CIT: variants seen among roughly 807,000 people sequenced by gnomAD.
The protein encoded by CIT is citron rho-interacting serine/threonine kinase, also known as citron Rho-interacting kinase.
Under a neutral mutation model 272.7 loss-of-function variants are expected in CIT, and 79 were observed. That is an observed-to-expected ratio of 0.29 (90% confidence interval 0.24 to 0.35). CIT has a LOEUF of 0.35. CIT is among the 10% of genes least tolerant of loss of function. CIT has a pLI of 1.00. For missense variants in CIT, 1,909 were observed against 2,618.3 expected, an observed-to-expected ratio of 0.73 and a Z score of 5.91; for synonymous variants, 948 against 995.6, an observed-to-expected ratio of 0.95 and a Z score of 0.90.
intron 13 of CIT, among the ~76,000 whole-genome samples, chr12:119,780,638 G>C (rs1964203672): frequency 6.6e-6 from 1 of 152,048 alleles, no homozygotes. Context: ...GAGCGATATA[G>C]AAAGTTAGAT....
intron 9 of CIT, among the ~76,000 whole-genome samples, chr12:119,817,667 G>A (rs1300513404): frequency 6.6e-6 from 1 of 152,132 alleles, no homozygotes; most frequent in Non-Finnish European, 1.5e-5. Flanking sequence ...ATTCAATGAA[G>A]GTAGGGCCAT....
In CIT at chr12:119,804,609, G is replaced by T. The variant is rs1966487767; in HGVS notation, c.1112-1220C>A. The stretch of plus-strand genomic sequence containing the variant: ...ACTCCTCGTTTTCTGGACAAAGCTG[G>T]GTGCCAGATATGAGCAGCAAGCAGT... On this transcript the variant is annotated intron_variant, in intron 9 of 47. Coordinates refer to ENST00000392521, the MANE Select transcript of CIT (RefSeq NM_001206999.2). This position sits in a 1 kb window ranked among gnomAD's most constrained non-coding sequence, Gnocchi z 5.3. The T allele has an allele frequency of 2.0e-6, 1 of 489,902 alleles. No individual in the cohort carries two copies. The highest frequency in any genetic ancestry group is 8.7e-5 in the South Asian group (1 of 11,434). The allele number at this position is 489,902 out of a possible 1,614,324, so 30.3% of individuals were successfully genotyped here. A position where few individuals can be genotyped will look rare whatever the true frequency, so the allele number is the denominator to read the frequency against.
chr12:119,810,630 G>A (rs1473052685), intron 9 of CIT, among the ~76,000 whole-genome samples: 1 of 151,238 alleles, frequency 6.6e-6, no homozygotes, highest in Non-Finnish European at 1.5e-5. Context: ...TCAAACCCGG[G>A]AGACAGAGGT....
rs569819000 is a variant in CIT, at chr12:119,687,910, G to A, written c.*322C>T. On this transcript the variant is annotated 3_prime_UTR_variant, in exon 48 of 48. Coordinates refer to ENST00000392521, the MANE Select transcript of CIT (RefSeq NM_001206999.2). ...CTAACCATGTTGTAGTTAGCATCCCGGTTGGTTTCCTTTGATGAACTAACT... is the reference window on the plus strand; with the variant it reads ...CTAACCATGTTGTAGTTAGCATCCCAGTTGGTTTCCTTTGATGAACTAACT... 6.6e-5 allele frequency: 22 copies of A among 331,176 alleles called. No homozygotes were observed. Among genetic ancestry groups the A allele is most frequent in the East Asian group, 2.9e-4 (6 of 20,506 alleles). 20.5% of individuals were successfully genotyped at this position (331,176 alleles called of 1,614,324 possible). A position where few individuals can be genotyped will look rare whatever the true frequency, so the allele number is the denominator to read the frequency against.
Position 119,733,404 on chromosome 12 carries a change from C to T in CIT, c.3350+760G>A, listed in dbSNP as rs113789294. On this transcript the variant is annotated intron_variant, in intron 26 of 47. Transcript: ENST00000392521. ...AAAAAATTAGCCGGGCATAGTGGTG[C>T]ACACCTGTATTCCCAGCTACTTGGG... is the stretch of plus-strand genomic sequence containing the variant. 1.0e-2 allele frequency among the ~76,000 whole-genome samples: 1,504 copies of T among 150,846 alleles called. 19 individuals are homozygous for T. Among genetic ancestry groups the T allele is most frequent in the Non-Finnish European group, 0.013 (851 of 67,578 alleles).
intron 3 of CIT, among the ~76,000 whole-genome samples, chr12:119,860,222 T>C (rs1446432530): frequency 1.3e-5 from 2 of 152,070 alleles, no homozygotes; most frequent in African/African-American, 4.8e-5. Context: ...TTGAGAGTCT[T>C]CTCAGCCACA....
chr12:119,759,577 T>C (rs988670869), intron 20 of CIT, among the ~76,000 whole-genome samples: 1 of 150,800 alleles, frequency 6.6e-6, no homozygotes, highest in African/African-American at 2.4e-5. Flanking sequence ...ACTCGGGAGG[T>C]AGAGGTTGCA....
chr12:119,748,148 G>A (rs1354901124), intron 23 of CIT, among the ~76,000 whole-genome samples: 1 of 152,108 alleles, frequency 6.6e-6, no homozygotes, highest in Non-Finnish European at 1.5e-5. Context: ...CTGGGTGACA[G>A]AGTGAGACCC....
intron 10 of CIT, among the ~76,000 whole-genome samples, chr12:119,798,476 T>C (rs570029693): frequency 3.3e-5 from 5 of 152,284 alleles, no homozygotes; most frequent in South Asian, 2.1e-4. Context: ...GGGCTGGTTG[T>C]GCAATTTAAA....
chr12:119,813,341 G>C (rs1966876345), intron 9 of CIT, among the ~76,000 whole-genome samples: 1 of 152,186 alleles, frequency 6.6e-6, no homozygotes, highest in African/African-American at 2.4e-5. Context: ...TGAGACACCA[G>C]AAATCATTTC....
At chr12:119,760,908 G>T in intron 20 of CIT, 31 bp downstream of exon 20, 1 of 1,422,454 alleles carries the variant, frequency 7.0e-7, no homozygotes, top group Non-Finnish European at 9.9e-7. Flanking sequence ...ACCCTCCTTT[G>T]AACACTGGCT....
chr12:119,792,364 T>C (rs1965378274), intron 10 of CIT, among the ~76,000 whole-genome samples: 2 of 152,178 alleles, frequency 1.3e-5, no homozygotes, highest in African/African-American at 2.4e-5. Flanking sequence ...TAAAAATACA[T>C]GCAACTGCAA....
intron 22 of CIT, among the ~76,000 whole-genome samples, chr12:119,753,413 G>A (rs550931250): frequency 1.3e-5 from 2 of 152,240 alleles, no homozygotes; most frequent in Admixed American, 1.3e-4. Flanking sequence ...ATTTGATGTG[G>A]GGCAGAGAAC....
chr12:119,790,135 C>T (rs919101694), intron 10 of CIT, among the ~76,000 whole-genome samples: 5 of 151,918 alleles, frequency 3.3e-5, no homozygotes, highest in Non-Finnish European at 7.4e-5. Context: ...TTGAGAGGTT[C>T]GATCAAAGAC....
At chr12:119,717,555 G>A (rs1016852078) in intron 32 of CIT, among the ~76,000 whole-genome samples, 5 of 150,818 alleles carry the variant, frequency 3.3e-5, no homozygotes, top group Non-Finnish European at 7.4e-5. Flanking sequence ...CAAGTAGCTG[G>A]GACTTCAGGA....
intron 28 of CIT, among the ~76,000 whole-genome samples, chr12:119,726,205 T>C (rs943551509): frequency 6.6e-6 from 1 of 151,860 alleles, no homozygotes; most frequent in Non-Finnish European, 1.5e-5. Flanking sequence ...CTCCCACCCA[T>C]ATTTTTCATT....
rs1965022823 is a variant in CIT at position 119,788,699 on chromosome 12, A to G, written c.1296-3634T>C. ...AACGAAAGGCACTTTTAGGTCACTTATCAATGGGCCCAGAAGCGAGGAGAT... is the reference window on the plus strand; with the variant it reads ...AACGAAAGGCACTTTTAGGTCACTTGTCAATGGGCCCAGAAGCGAGGAGAT... On this transcript the variant is annotated intron_variant, in intron 10 of 47. Coordinates refer to ENST00000392521, the MANE Select transcript of CIT (RefSeq NM_001206999.2). Among the ~76,000 whole-genome samples, 3 of 152,106 alleles carry G rather than the reference A, an allele frequency of 2.0e-5. No individual in the cohort carries two copies. The South Asian group carries it at 6.2e-4, about 32-fold the overall frequency.
chr12:119,724,930 CAA>C (rs35757526), intron 28 of CIT, among the ~76,000 whole-genome samples: 1,592 of 43,990 alleles, frequency 0.036, 3 homozygotes, highest in African/African-American at 0.059. Flanking sequence ...GACTCCATCT[CAA>C]AAAAAAAAAA....
At chr12:119,790,648 G>A (rs1965231006) in intron 10 of CIT, among the ~76,000 whole-genome samples, 1 of 152,166 alleles carries the variant, frequency 6.6e-6, no homozygotes. Context: ...ATCCCCATGA[G>A]AGATACCTGC....
Sources: gnomAD v4.1 joint callset for allele counts (sites outside exome capture counted in the v4.1 genomes callset) on GRCh38, gnomAD v4.1.1 for gene constraint, Gnocchi (gnomAD v3.1) non-coding constraint, MANE v1.5 for transcripts, NCBI Gene and HGNC (gene_info 2026-07-23, HGNC 2026-07-21) for gene names.